The following DNAH14 variants were observed in gnomAD, a reference collection of about 807,000 sequenced individuals.
DNAH14 encodes the protein dynein axonemal heavy chain 14, also known as axonemal beta dynein heavy chain 14.
A neutral mutation model predicts 520.9 loss-of-function variants in DNAH14; 478 were observed. The observed-to-expected ratio is 0.92, with a 90% CI of 0.85 to 0.99. The LOEUF (loss-of-function observed/expected upper bound fraction) is 0.99, where lower values mean the gene tolerates loss of function less well. DNAH14 is among the 50% of genes least tolerant of loss of function. The probability of loss-of-function intolerance (pLI) is 0.00; values close to 1 mark genes in which losing one functional copy is unlikely to be tolerated. For missense variants in DNAH14, 4,831 were observed against 5,234.5 expected (o/e 0.92, Z 2.38); for synonymous variants, 1,581 against 1,757.2 (o/e 0.90, Z 2.51).
chr1:224,967,907 G>C, intron 6 of DNAH14: 1 of 1,226,924 alleles, frequency 8.2e-7, no homozygotes, highest in Non-Finnish European at 1.0e-6. Flanking sequence ...ATAAAGAAAA[G>C]AATATTCTTT....
intron 18 of DNAH14, 118 bp downstream of exon 18, chr1:225,079,666 A>ATT: frequency 1.8e-6 from 1 of 552,740 alleles, no homozygotes; most frequent in Non-Finnish European, 2.9e-6. Flanking sequence ...GTTTAATACA[A>ATT]GTATTCTTTT....
chr1:224,985,941 T>C (rs2062605055), intron 8 of DNAH14, among the ~76,000 whole-genome samples: 1 of 151,938 alleles, frequency 6.6e-6, no homozygotes, highest in Admixed American at 6.6e-5. Context: ...TAAGAGTTAT[T>C]GGCCTTAAAA....
intron 77 of DNAH14, among the ~76,000 whole-genome samples, chr1:225,371,136 G>A (rs1037287181): frequency 3.3e-5 from 5 of 152,090 alleles, no homozygotes; most frequent in African/African-American, 1.2e-4. Flanking sequence ...AACCAGCATA[G>A]TTTTAATATG....
Position 225,270,781 on chromosome 1 carries a change from A to C in DNAH14, c.7586A>C (p.Asn2529Thr). The C allele has an allele frequency of 1.3e-6, 2 of 1,551,356 alleles. No individual in the cohort carries two copies. ...SIVAACVPVV[N>T]DISPRLLKHF... ...GTTGCAGCTTGTGTTCCAGTTGTGA[A>C]TGATATCAGCCCACGTCTTCTCAAA... is the stretch of plus-strand genomic sequence containing the variant. Residue 2529 changes from asparagine (N) to threonine (T), a missense_variant, in exon 50 of 86, where the codon AAT becomes ACT. By Grantham distance (65) the Asn-to-Thr change is moderately conservative. Coordinates refer to ENST00000682510, the MANE Select transcript of DNAH14 (RefSeq NM_001367479.1).
At chr1:225,071,194 T>C (rs1010376283) in intron 17 of DNAH14, among the ~76,000 whole-genome samples, 1 of 152,190 alleles carries the variant, frequency 6.6e-6, no homozygotes, top group African/African-American at 2.4e-5. Flanking sequence ...AAGGTTAGTA[T>C]TGGTATGTGT....
intron 9 of DNAH14, among the ~76,000 whole-genome samples, chr1:225,004,996 T>C (rs2064056163): frequency 6.6e-6 from 1 of 152,186 alleles, no homozygotes; most frequent in African/African-American, 2.4e-5. Context: ...ATCTTCACTT[T>C]CAAGTGGATG....
intron 15 of DNAH14, among the ~76,000 whole-genome samples, chr1:225,047,319 A>G (rs751781939): frequency 2.0e-5 from 3 of 152,138 alleles, no homozygotes; most frequent in Middle Eastern, 3.2e-3. Flanking sequence ...AATCAACAAC[A>G]TAGTTACTTG....
At chr1:225,355,497 C>T (rs2095419530) in intron 73 of DNAH14, among the ~76,000 whole-genome samples, 2 of 152,014 alleles carry the variant, frequency 1.3e-5, no homozygotes, top group African/African-American at 2.4e-5. Context: ...AATCTCACCC[C>T]GAGGGCAGAG....
At chr1:225,128,832 G>C (rs1026101849) in intron 27 of DNAH14, among the ~76,000 whole-genome samples, 2 of 151,420 alleles carry the variant, frequency 1.3e-5, no homozygotes, top group South Asian at 2.1e-4. Flanking sequence ...TCAGGCAGGA[G>C]AATGAAATAA....
In DNAH14 at chr1:225,078,868, CTCTCT is replaced by C. The variant is rs2072734455; in HGVS notation, c.2425-338_2425-334del. Among the ~76,000 whole-genome samples, 6 of 59,350 alleles carry C rather than the reference CTCTCT, an allele frequency of 1.0e-4. 1 individual carries two copies. Among genetic ancestry groups the C allele is most frequent in the Admixed American group, 1.7e-4 (1 of 5,778 alleles). The allele number at this position is 59,350 out of a possible 152,430, so 38.9% of individuals were successfully genotyped here. ...CCTCTCTCTCTCTCTCCCTCTCTCT[CTCTCT>C]CTCTCTCTCTCTCTCTCTCTCTCTC... On this transcript the variant is annotated intron_variant, in intron 17 of 85. Transcript: ENST00000682510.
At chr1:225,206,837 C>T in intron 40 of DNAH14, 131 bp from the exon 41 acceptor site, 2 of 789,748 alleles carry the variant, frequency 2.5e-6, no homozygotes, top group Non-Finnish European at 3.8e-6. Flanking sequence ...GATCATTTGC[C>T]CTTTAATGAA....
At chr1:225,119,843 A>G (rs187311983) in intron 26 of DNAH14, among the ~76,000 whole-genome samples, 31 of 152,182 alleles carry the variant, frequency 2.0e-4, no homozygotes, top group African/African-American at 7.2e-4. Flanking sequence ...TAGAAAGGCT[A>G]TTGACTTTTA....
intron 3 of DNAH14, 144 bp from the exon 4 acceptor site, chr1:224,960,009 G>A (rs1473223662): frequency 1.6e-5 from 11 of 691,240 alleles, no homozygotes; most frequent in Non-Finnish European, 2.4e-5. Context: ...TTGGAACCCA[G>A]GCAGTGGGAT....
At chr1:224,967,608 C>T in intron 6 of DNAH14, 25 bp downstream of exon 6, 1 of 1,593,314 alleles carries the variant, frequency 6.3e-7, no homozygotes, top group Non-Finnish European at 8.5e-7. Context: ...ATGTTTTAAG[C>T]TTTCAGAATT....
Position 225,265,483 on chromosome 1 carries a change from T to C in DNAH14, c.7410+114T>C, listed in dbSNP as rs904981914. On this transcript the variant is annotated intron_variant, in intron 48 of 85. Transcript: ENST00000682510. Reference sequence around the variant, plus strand: ...TTTGTGTAACACACATTTTTGAACATCATAGAAGATGCAATGTATAACAGA... The same window carrying C: ...TTTGTGTAACACACATTTTTGAACACCATAGAAGATGCAATGTATAACAGA... The C allele has an allele frequency of 5.9e-5, 51 of 860,880 alleles. No homozygotes were observed. The East Asian group carries it at 9.2e-4, about 16-fold the overall frequency. The allele number at this position is 860,880 out of a possible 1,614,324, so 53.3% of individuals were successfully genotyped here.
intron 84 of DNAH14, chr1:225,396,264 G>C (rs562395890): frequency 6.0e-4 from 92 of 152,288 alleles, no homozygotes; most frequent in African/African-American, 2.1e-3. Flanking sequence ...GTCCAAAACT[G>C]CTCTGGCTGT....
Position 225,185,333 on chromosome 1 carries a change from AAGACAAC to A in DNAH14, c.5581_5587del (p.Thr1861SerfsTer9). The A allele has an allele frequency of 6.5e-7, 1 of 1,547,616 alleles. No individual in the cohort carries two copies. The highest frequency in any genetic ancestry group is 8.7e-7 in the Non-Finnish European group (1 of 1,145,442). Reference sequence around the variant, plus strand: ...GTTAGTGGGCCCAACAGGTGGAGGAAAGACAACAGTCAGAAGAATTTTGGAAAAAGCA... The same window carrying A: ...GTTAGTGGGCCCAACAGGTGGAGGAAAGTCAGAAGAATTTTGGAAAAAGCA... On this transcript the variant is annotated frameshift_variant, in exon 37 of 86. Coordinates refer to ENST00000682510, the MANE Select transcript of DNAH14 (RefSeq NM_001367479.1). LOFTEE classifies it high-confidence loss of function.
At chr1:225,051,886 A>G (rs1462472294) in intron 17 of DNAH14, 91 bp downstream of exon 17, 7 of 916,172 alleles carry the variant, frequency 7.6e-6, no homozygotes, top group African/African-American at 1.7e-5. Flanking sequence ...ATATGATATC[A>G]TGTCACATGC....
intron 54 of DNAH14, among the ~76,000 whole-genome samples, chr1:225,281,128 AC>A (rs1281605683): frequency 6.6e-6 from 1 of 152,216 alleles, no homozygotes; most frequent in Non-Finnish European, 1.5e-5. Flanking sequence ...TTATTATCTT[AC>A]AGTTTTGCAG....
Sources: gnomAD v4.1 joint callset for allele counts (sites outside exome capture counted in the v4.1 genomes callset) on GRCh38, gnomAD v4.1.1 for gene constraint, MANE v1.5 for transcripts, NCBI Gene and HGNC (gene_info 2026-07-23, HGNC 2026-07-21) for gene names.